SMYD3: variants seen among roughly 807,000 people sequenced by gnomAD.
SMYD3 encodes the protein histone-lysine N-methyltransferase SMYD3.
SMYD3 carries 36 observed loss-of-function variants against 57.7 expected under a neutral mutation model. The observed-to-expected ratio is 0.62, with a 90% CI of 0.48 to 0.82. SMYD3 has a LOEUF of 0.82. SMYD3 is among the 40% of genes least tolerant of loss of function. SMYD3 has a pLI of 0.00. For synonymous variants in SMYD3, 211 were observed against 195.0 expected, an observed-to-expected ratio of 1.08 and a Z score of -0.68; for missense variants, 515 against 538.8, an observed-to-expected ratio of 0.96 and a Z score of 0.44.
intron 1 of SMYD3, among the ~76,000 whole-genome samples, chr1:246,384,688 C>T (rs1309451475): frequency 3.3e-5 from 5 of 152,134 alleles, no homozygotes; most frequent in Non-Finnish European, 5.9e-5. Flanking sequence ...TGAGCCACTG[C>T]ACCTGGTCTA....
intron 5 of SMYD3, among the ~76,000 whole-genome samples, chr1:246,176,721 C>T (rs2062441436): frequency 6.6e-6 from 1 of 152,072 alleles, no homozygotes; most frequent in Admixed American, 6.6e-5. Context: ...CAGGGTTTTG[C>T]CATGTTGTCC....
intron 1 of SMYD3, among the ~76,000 whole-genome samples, chr1:246,444,876 G>A (rs1164015802): frequency 6.6e-6 from 1 of 152,196 alleles, no homozygotes; most frequent in Non-Finnish European, 1.5e-5. Context: ...TGTGGTAAAA[G>A]CTTTAGGATA....
chr1:246,335,293 G>T, intron 3 of SMYD3, 74 bp downstream of exon 3: 1 of 1,264,466 alleles, frequency 7.9e-7, no homozygotes, highest in Non-Finnish European at 1.2e-6. Flanking sequence ...ACATCTCTGA[G>T]GTATACCGGA....
chr1:246,482,755 T>TA (rs1179914850), intron 1 of SMYD3, among the ~76,000 whole-genome samples: 1 of 152,088 alleles, frequency 6.6e-6, no homozygotes, highest in African/African-American at 2.4e-5. Flanking sequence ...TAAGATACGA[T>TA]AAAAAACACA....
At chr1:245,870,493 G>C (rs1439449087) in intron 8 of SMYD3, among the ~76,000 whole-genome samples, 2 of 152,118 alleles carry the variant, frequency 1.3e-5, no homozygotes, top group African/African-American at 4.8e-5. Flanking sequence ...TTGGCCCAGA[G>C]GTCCCTCGCT....
intron 5 of SMYD3, among the ~76,000 whole-genome samples, chr1:246,272,011 C>T (rs1395165165): frequency 6.6e-6 from 1 of 151,920 alleles, no homozygotes; most frequent in African/African-American, 2.4e-5. Flanking sequence ...AGTTTTTAAC[C>T]TCCTTGTTAA....
At chr1:246,007,567 C>T (rs541543530) in intron 5 of SMYD3, among the ~76,000 whole-genome samples, 8 of 151,848 alleles carry the variant, frequency 5.3e-5, no homozygotes, top group East Asian at 3.9e-4. Flanking sequence ...CCCAGTATTT[C>T]GGGAGGTCTA....
At chr1:245,750,321 C>T (rs1408835609) in intron 11 of SMYD3, among the ~76,000 whole-genome samples, 1 of 152,126 alleles carries the variant, frequency 6.6e-6, no homozygotes, top group African/African-American at 2.4e-5. Flanking sequence ...TGTTTGCTCC[C>T]AGAACCAAGA....
rs2058066627 is a variant in SMYD3, at chr1:245,963,638, A to T, written c.532-33701T>A. ...GGAGGAAAAGGACCATTTTGAAAAA[A>T]CACCAGAGATCAGCACCATAGGAAA... On this transcript the variant is annotated intron_variant, in intron 5 of 11. Transcript: ENST00000490107. Among the ~76,000 whole-genome samples the T allele has an allele frequency of 2.0e-5, 3 of 152,096 alleles. No homozygotes were observed. In the South Asian group the frequency reaches 6.2e-4, roughly 32 times the overall value.
chr1:245,934,895 G>C (rs1379279400), intron 5 of SMYD3, among the ~76,000 whole-genome samples: 2 of 152,232 alleles, frequency 1.3e-5, no homozygotes, highest in East Asian at 1.9e-4. Context: ...TCACGACTTA[G>C]TCACTAAGCT....
At chr1:246,289,578 T>C (rs1457444213) in intron 5 of SMYD3, among the ~76,000 whole-genome samples, 3 of 148,764 alleles carry the variant, frequency 2.0e-5, no homozygotes, top group Non-Finnish European at 4.4e-5. Context: ...TTTACTTTGA[T>C]AGTATATTTT....
chr1:246,213,458 G>A (rs2063119579), intron 5 of SMYD3, among the ~76,000 whole-genome samples: 1 of 152,140 alleles, frequency 6.6e-6, no homozygotes, highest in South Asian at 2.1e-4. Context: ...TATGATCTTT[G>A]AGAAAATGGA....
intron 1 of SMYD3, among the ~76,000 whole-genome samples, chr1:246,455,580 T>C (rs4654258): frequency 2.0e-5 from 3 of 152,100 alleles, no homozygotes; most frequent in Non-Finnish European, 4.4e-5. Context: ...CCAGATACTA[T>C]AGAAAAGCCA....
In SMYD3 at chr1:245,779,848, G is replaced by A. The variant is rs151005487; in HGVS notation, c.1077-15699C>T. Among the ~76,000 whole-genome samples the A allele has an allele frequency of 4.6e-5, 7 of 152,210 alleles. No homozygotes were observed. The East Asian group carries it at 1.4e-3, about 29-fold the overall frequency. Reference sequence around the variant, plus strand: ...ACCTAAAAAGTTAAACAGAAGACTCGAGTGAGATGGTCAAAAGATCTGACT... The same window carrying A: ...ACCTAAAAAGTTAAACAGAAGACTCAAGTGAGATGGTCAAAAGATCTGACT... On this transcript the variant is annotated intron_variant, in intron 10 of 11. Transcript: ENST00000490107.
intron 2 of SMYD3, among the ~76,000 whole-genome samples, chr1:246,349,581 C>G (rs765724751): frequency 7.9e-5 from 12 of 151,590 alleles, no homozygotes; most frequent in Non-Finnish European, 1.6e-4. Context: ...GCACTCCAGC[C>G]TGGGTGACAG....
chr1:246,498,970 T>A (rs1281074021), intron 1 of SMYD3, among the ~76,000 whole-genome samples: 1 of 151,702 alleles, frequency 6.6e-6, no homozygotes, highest in Non-Finnish European at 1.5e-5. Context: ...TTTTGTTTTT[T>A]TTTTTAACAA....
intron 5 of SMYD3, among the ~76,000 whole-genome samples, chr1:246,236,255 G>A (rs75299592): frequency 6.6e-6 from 1 of 152,164 alleles, no homozygotes; most frequent in Non-Finnish European, 1.5e-5. Context: ...ATGAATGACA[G>A]GGTCTCACAA....
intron 6 of SMYD3, among the ~76,000 whole-genome samples, chr1:245,929,508 G>A (rs574663302): frequency 7.2e-5 from 11 of 152,236 alleles, no homozygotes; most frequent in African/African-American, 2.4e-4. Flanking sequence ...CAACTGATAC[G>A]TACGGCAAGT....
intron 1 of SMYD3, among the ~76,000 whole-genome samples, chr1:246,447,606 T>G (rs938989434): frequency 6.6e-6 from 1 of 152,216 alleles, no homozygotes; most frequent in Non-Finnish European, 1.5e-5. Flanking sequence ...CTTTCCAATA[T>G]TTCTTTTTCA....
Sources: allele counts gnomAD v4.1 joint callset (sites outside exome capture counted in the v4.1 genomes callset), GRCh38; gene constraint gnomAD v4.1.1; transcripts MANE v1.5; gene names NCBI Gene and HGNC (gene_info 2026-07-23, HGNC 2026-07-21).